CAPN14: variants seen among roughly 807,000 people sequenced by gnomAD.
The protein encoded by CAPN14 is calpain 14.
In CAPN14, 94 loss-of-function variants were observed where a neutral mutation model predicts 101.3. The observed-to-expected ratio is 0.93, with a 90% CI of 0.79 to 1.10. The LOEUF (loss-of-function observed/expected upper bound fraction) is 1.10, where lower values mean the gene tolerates loss of function less well. Among genes scored for constraint, CAPN14 ranks in the 50% least tolerant of loss-of-function variants. CAPN14 has a pLI of 0.00. For missense variants in CAPN14, 837 were observed against 828.4 expected (o/e 1.01, Z -0.13); for synonymous variants, 338 against 317.9 (o/e 1.06, Z -0.67).
intron 7 of CAPN14, among the ~76,000 whole-genome samples, chr2:31,197,645 C>A (rs1187171423): frequency 6.6e-6 from 1 of 152,104 alleles, no homozygotes; most frequent in East Asian, 1.9e-4. Context: ...GTGAACATGA[C>A]CCTATTTGGA....
chr2:31,232,965 C>T (rs1450050578), intron 1 of CAPN14, among the ~76,000 whole-genome samples: 1 of 152,104 alleles, frequency 6.6e-6, no homozygotes, highest in Non-Finnish European at 1.5e-5. Context: ...TAGAATGGTG[C>T]CAATACAAAG....
intron 13 of CAPN14, 66 bp downstream of exon 13, chr2:31,189,207 C>A: frequency 7.1e-7 from 1 of 1,411,252 alleles, no homozygotes; most frequent in Admixed American, 2.0e-5. Context: ...CATTTCCAAC[C>A]TTGCCCTCCT....
rs577465261 is a variant in CAPN14, at chr2:31,203,624, G to A, written c.226-485C>T. Among the ~76,000 whole-genome samples, 151 of 152,214 alleles carry A rather than the reference G, an allele frequency of 9.9e-4. 1 individual carries two copies. The highest frequency in any genetic ancestry group is 4.1e-3 in the South Asian group (20 of 4,820). On this transcript the variant is annotated intron_variant, in intron 2 of 21. Coordinates refer to ENST00000403897, the MANE Select transcript of CAPN14 (RefSeq NM_001145122.2). ...CAAGATTTATATTCTCAGTCTTTGC[G>A]CGGACACAGTTTCCCCAAGTCAGAT...
At chr2:31,180,655 G>A (rs1680546033) in intron 17 of CAPN14, among the ~76,000 whole-genome samples, 1 of 152,162 alleles carries the variant, frequency 6.6e-6, no homozygotes. Flanking sequence ...TGAGATTATT[G>A]TGATGGATGG....
rs577459345 is a variant in CAPN14 at position 31,200,069 on chromosome 2, T to G, written c.726+382A>C. ...CCCAGGCTGGAGTGCAAGGGTGAGATCTCGGGTTACTGCAACCTCCGCCTC... is the reference window on the plus strand; with the variant it reads ...CCCAGGCTGGAGTGCAAGGGTGAGAGCTCGGGTTACTGCAACCTCCGCCTC... On this transcript the variant is annotated intron_variant, in intron 6 of 21. Coordinates refer to ENST00000403897, the MANE Select transcript of CAPN14 (RefSeq NM_001145122.2). Among the ~76,000 whole-genome samples the G allele has an allele frequency of 1.2e-4, 18 of 151,430 alleles. No homozygotes were observed. In the South Asian group the frequency reaches 3.8e-3, roughly 32 times the overall value.
At position 31,206,021 on chromosome 2, in the gene CAPN14, A is replaced by ATTTTTTTTTTTTTTTTTTTTT. The variant is rs200116287; in HGVS notation, c.-52-523_-52-522insAAAAAAAAAAAAAAAAAAAAA. On this transcript the variant is annotated intron_variant, in intron 1 of 21. Coordinates refer to ENST00000403897, the MANE Select transcript of CAPN14 (RefSeq NM_001145122.2). ...CAAAACCTCCTCCTACATTATCTTT[A>ATTTTTTTTTTTTTTTTTTTTT]TTTTTTTTATTTATTTATTTTTTTT... is the stretch of plus-strand genomic sequence containing the variant. Among the ~76,000 whole-genome samples, 7 of 108,752 alleles carry ATTTTTTTTTTTTTTTTTTTTT rather than the reference A, an allele frequency of 6.4e-5. 2 individuals are homozygous for ATTTTTTTTTTTTTTTTTTTTT. The highest frequency in any genetic ancestry group is 8.0e-5 in the Non-Finnish European group (4 of 49,836). The allele number at this position is 108,752 out of a possible 152,430, so 71.3% of individuals were successfully genotyped here.
At chr2:31,223,860 A>T (rs1271223877) in intron 2 of CAPN14, among the ~76,000 whole-genome samples, 1 of 152,164 alleles carries the variant, frequency 6.6e-6, no homozygotes, top group East Asian at 1.9e-4. Context: ...GAATAATGAC[A>T]TTTTGAGCTG....
chr2:31,179,900 T>C (rs1368534233), intron 17 of CAPN14, among the ~76,000 whole-genome samples: 1 of 152,244 alleles, frequency 6.6e-6, no homozygotes, highest in Non-Finnish European at 1.5e-5. Flanking sequence ...GCAGGATATT[T>C]TGACATGGCC....
chr2:31,178,585 T>C lies in CAPN14; in HGVS notation c.1711-6A>G. 6.6e-7 allele frequency: 1 copy of C among 1,523,246 alleles called. No homozygotes were observed. The allele number at this position is 1,523,246 out of a possible 1,614,324, so 94.4% of individuals were successfully genotyped here. On this transcript the variant is annotated splice_region_variant and splice_polypyrimidine_tract_variant and intron_variant, in intron 17 of 21. Transcript: ENST00000403897. ...ATAGTACCTGATGCATTAAGCTGATTAATAGGTTAAGGTAAAAGCTTCCAG... is the reference window on the plus strand; with the variant it reads ...ATAGTACCTGATGCATTAAGCTGATCAATAGGTTAAGGTAAAAGCTTCCAG...
intron 17 of CAPN14, among the ~76,000 whole-genome samples, chr2:31,179,781 TTGTGG>T (rs1321052520): frequency 1.3e-5 from 2 of 152,188 alleles, no homozygotes; most frequent in African/African-American, 4.8e-5. Context: ...TGGTATCTCA[TTGTGG>T]TTTTGATTAG....
chr2:31,215,401 C>T (rs370849459), intron 1 of CAPN14, among the ~76,000 whole-genome samples: 5 of 152,134 alleles, frequency 3.3e-5, no homozygotes, highest in African/African-American at 7.2e-5. Flanking sequence ...TTTCACGTCA[C>T]GCCCTCAAAA....
At chr2:31,193,696 A>C (rs1389592560) in intron 9 of CAPN14, among the ~76,000 whole-genome samples, 1 of 152,244 alleles carries the variant, frequency 6.6e-6, no homozygotes, top group East Asian at 1.9e-4. Context: ...CTTTGCCCCT[A>C]CTTGCTAACT....
At chr2:31,192,375 C>A (rs147766514) in intron 10 of CAPN14, among the ~76,000 whole-genome samples, 1 of 152,204 alleles carries the variant, frequency 6.6e-6, no homozygotes, top group Admixed American at 6.5e-5. Context: ...ACCCCACAAG[C>A]ATGTGCTACC....
At position 31,191,919 on chromosome 2, in the gene CAPN14, T is replaced by C; in HGVS notation, c.1278+16A>G. ...ACGCTTGGTCCCATGCCCCTGTGGT[T>C]CAGAGGTCCACCTACCCTATACAGG... On this transcript the variant is annotated intron_variant, in intron 11 of 21. Coordinates refer to ENST00000403897, the MANE Select transcript of CAPN14 (RefSeq NM_001145122.2). 1 of 1,536,084 alleles carries C rather than the reference T, an allele frequency of 6.5e-7. No homozygotes were observed. The highest frequency in any genetic ancestry group is 8.8e-7 in the Non-Finnish European group (1 of 1,138,184).
intron 5 of CAPN14, among the ~76,000 whole-genome samples, chr2:31,200,861 C>T (rs549778512): frequency 2.6e-5 from 4 of 152,138 alleles, no homozygotes; most frequent in Non-Finnish European, 5.9e-5. Context: ...CCCCTCTTTC[C>T]CACCACTTCC....
At chr2:31,185,594 C>T (rs963609285) in intron 16 of CAPN14, among the ~76,000 whole-genome samples, 10 of 152,164 alleles carry the variant, frequency 6.6e-5, no homozygotes, top group African/African-American at 9.7e-5. Context: ...CTTTTTCAGC[C>T]GGGAAGGGGA....
chr2:31,189,543 G>T, intron 12 of CAPN14, 65 bp from the exon 13 acceptor site: 1 of 1,313,678 alleles, frequency 7.6e-7, no homozygotes, highest in Non-Finnish European at 1.1e-6. Flanking sequence ...CAGGCCTGAG[G>T]CCCTCAAAGC....
intron 15 of CAPN14, 24 bp from the exon 16 acceptor site, chr2:31,186,509 G>GA: frequency 7.8e-6 from 12 of 1,537,060 alleles, no homozygotes; most frequent in Non-Finnish European, 1.1e-5. Context: ...AGATTGGCAA[G>GA]AAAAAATAAC....
intron 1 of CAPN14, among the ~76,000 whole-genome samples, chr2:31,208,186 TGGA>T (rs761128348): frequency 2.0e-5 from 3 of 151,996 alleles, no homozygotes; most frequent in South Asian, 4.2e-4. Context: ...AAAAAAAAAC[TGGA>T]GTTTTTTTCC....
Sources: gnomAD v4.1 joint callset for allele counts (sites outside exome capture counted in the v4.1 genomes callset) on GRCh38, gnomAD v4.1.1 for gene constraint, MANE v1.5 for transcripts, NCBI Gene and HGNC (gene_info 2026-07-23, HGNC 2026-07-21) for gene names.